The following MFNG variants were observed in gnomAD, a reference collection of about 807,000 sequenced individuals.
The protein encoded by MFNG is beta-1,3-N-acetylglucosaminyltransferase manic fringe.
MFNG carries 24 observed loss-of-function variants against 34.2 expected under a neutral mutation model. That is an observed-to-expected ratio of 0.70 (90% CI 0.51 to 0.99). MFNG has a LOEUF of 0.99. Among genes scored for constraint, MFNG ranks in the 50% least tolerant of loss-of-function variants. The pLI is 0.00. For synonymous variants in MFNG, 158 were observed against 179.2 expected (o/e 0.88, Z 0.94); for missense variants, 383 against 424.0 (o/e 0.90, Z 0.85).
In MFNG at chr22:37,477,082, A is replaced by G. The variant is rs1922076974; in HGVS notation, c.562-101T>C. On this transcript the variant is annotated intron_variant, in intron 4 of 7. Coordinates refer to ENST00000356998, the MANE Select transcript of MFNG (RefSeq NM_002405.4). ...TCACCCCCAACCAGCATGGCTCAAAAGCCCTTTATTTTGAATCTCACTAGA... is the reference window on the plus strand; with the variant it reads ...TCACCCCCAACCAGCATGGCTCAAAGGCCCTTTATTTTGAATCTCACTAGA... The G allele has an allele frequency of 4.2e-6, 4 of 956,906 alleles. No individual in the cohort carries two copies. The East Asian group carries it at 9.8e-5, about 24-fold the overall frequency. 59.3% of individuals were successfully genotyped at this position (956,906 alleles called of 1,614,324 possible).
intron 7 of MFNG, among the ~76,000 whole-genome samples, chr22:37,471,614 TGAGGTCAGGAGTTC>T (rs1383344390): frequency 6.6e-6 from 1 of 151,990 alleles, no homozygotes; most frequent in Non-Finnish European, 1.5e-5. Flanking sequence ...GCGGATCACT[TGAGGTCAGGAGTTC>T]GAAACCAGCC....
rs1047466849 is a variant in MFNG at position 37,474,572 on chromosome 22, G to T, written c.753C>A (p.Pro251=). 1 of 1,614,080 alleles carries T rather than the reference G, an allele frequency of 6.2e-7. No individual in the cohort carries two copies. Among genetic ancestry groups the T allele is most frequent in the African/African-American group, 1.3e-5 (1 of 74,942 alleles). Reference sequence around the variant, plus strand: ...GGGTCTCCAGGTGGGAGTGAAAGAGGGGGCTGGGCTGCAGGCGGCCGCCCA... The same window carrying T: ...GGGTCTCCAGGTGGGAGTGAAAGAGTGGGCTGGGCTGCAGGCGGCCGCCCA... ...CKLGGRLQPS[P]LFHSHLETLQ... The change falls in exon 6 of 8, where the codon CCC becomes CCA. Residue 251 remains proline (P), a synonymous_variant. Coordinates refer to ENST00000356998, the MANE Select transcript of MFNG (RefSeq NM_002405.4).
intron 3 of MFNG, 63 bp from the exon 4 acceptor site, chr22:37,479,561 A>AC (rs1345808976): frequency 2.5e-6 from 4 of 1,592,964 alleles, no homozygotes; most frequent in South Asian, 1.1e-5. Context: ...GTCCCCAAGC[A>AC]CCCCCACAGT....
chr22:37,486,086 G>T lies in MFNG; in HGVS notation c.92C>A (p.Ser31Tyr), dbSNP rs1922540374. The part of the protein sequence containing the change: ...LLCLRYHLNL[S>Y]PQRVQGTPEL... ...GGGGGTCCCTTGTACCCGCTGCGGG[G>T]ACAGGTTCAAGTGGTACCGCAGACA... Residue 31 changes from serine (S) to tyrosine (Y), a missense_variant, in exon 1 of 8, where the codon TCC (serine) becomes TAC (tyrosine). Transcript: ENST00000356998. The T allele has an allele frequency of 6.2e-7, 1 of 1,613,634 alleles. No homozygotes were observed. The highest frequency in any genetic ancestry group is 8.5e-7 in the Non-Finnish European group (1 of 1,179,852).
In MFNG at chr22:37,485,783, G is replaced by A. The variant is rs1260968766; in HGVS notation, c.255+140C>T. On this transcript the variant is annotated intron_variant, in intron 1 of 7. Coordinates refer to ENST00000356998, the MANE Select transcript of MFNG (RefSeq NM_002405.4). The surrounding 1 kb of genome is among the most constrained non-coding windows in gnomAD (Gnocchi z 5.3). ...GCCCCTAAAGCCCGGAAGAAGGAGA[G>A]AGGAAGAGGATCCCTGATTAGGCAG... 7 of 1,088,770 alleles carry A rather than the reference G, an allele frequency of 6.4e-6. No homozygotes were observed. Among genetic ancestry groups the A allele is most frequent in the African/African-American group, 1.6e-5 (1 of 62,892 alleles). 67.4% of individuals were successfully genotyped at this position (1,088,770 alleles called of 1,614,324 possible).
At chr22:37,473,724 G>C (rs1006939770) in intron 6 of MFNG, among the ~76,000 whole-genome samples, 1 of 152,238 alleles carries the variant, frequency 6.6e-6, no homozygotes, top group South Asian at 2.1e-4. Context: ...GATAGTGGGG[G>C]GAAAGCTGGG....
chr22:37,475,953 G>A (rs1359454405), intron 5 of MFNG, among the ~76,000 whole-genome samples: 2 of 152,206 alleles, frequency 1.3e-5, no homozygotes, highest in Non-Finnish European at 2.9e-5. Context: ...GGCAAGGCAG[G>A]GCAGGCTTGG....
In MFNG at chr22:37,483,923, G is replaced by A. The variant is rs559142474; in HGVS notation, c.255+2000C>T. Among the ~76,000 whole-genome samples, 3 of 152,328 alleles carry A rather than the reference G, an allele frequency of 2.0e-5. No homozygotes were observed. In the East Asian group the frequency reaches 5.8e-4, roughly 29 times the overall value. On this transcript the variant is annotated intron_variant, in intron 1 of 7. Transcript: ENST00000356998. This position sits in a 1 kb window ranked among gnomAD's most constrained non-coding sequence, Gnocchi z 4.5. The stretch of plus-strand genomic sequence containing the variant: ...GGGAATCCTAAGGTTGGCACAGAGC[G>A]ATGGGCAGAGTTTCTTTGGAGCCAA...
At position 37,482,991 on chromosome 22, in the gene MFNG, A is replaced by G. The variant is rs995993082; in HGVS notation, c.256-2222T>C. Among the ~76,000 whole-genome samples, 1 of 152,124 alleles carries G rather than the reference A, an allele frequency of 6.6e-6. No individual in the cohort carries two copies. The highest frequency in any genetic ancestry group is 2.4e-5 in the African/African-American group (1 of 41,448). On this transcript the variant is annotated intron_variant, in intron 1 of 7. Transcript: ENST00000356998. This position sits in a 1 kb window ranked among gnomAD's most constrained non-coding sequence, Gnocchi z 4.1. ...CCATCAGGGAGCTGGAGACTCGTGGACACCACCAGCCCTAGCCTCTCCCTG... is the reference window on the plus strand; with the variant it reads ...CCATCAGGGAGCTGGAGACTCGTGGGCACCACCAGCCCTAGCCTCTCCCTG...
intron 7 of MFNG, among the ~76,000 whole-genome samples, chr22:37,471,305 A>G (rs985404375): frequency 2.6e-5 from 4 of 152,226 alleles, no homozygotes; most frequent in African/African-American, 9.6e-5. Context: ...GCAGAAATGC[A>G]AATAGAAGGG....
In MFNG at chr22:37,476,976, C is replaced by T; in HGVS notation, c.567G>A (p.Leu189=). ...CCCCAGTGGCAAACCAGAACTGTAC[C>T]AGCCTCTGAGAGAGAGGAAGGCCAA... ...SEPQPHNRTR[L]VQFWFATGGA... The change falls in exon 5 of 8, where the codon CTG becomes CTA. Residue 189 remains leucine (L), a synonymous_variant. Transcript: ENST00000356998. 1 of 1,614,104 alleles carries T rather than the reference C, an allele frequency of 6.2e-7. No individual in the cohort carries two copies. Among genetic ancestry groups the T allele is most frequent in the Non-Finnish European group, 8.5e-7 (1 of 1,179,990 alleles).
chr22:37,479,625 A>T, intron 3 of MFNG, 127 bp from the exon 4 acceptor site: 2 of 1,226,718 alleles, frequency 1.6e-6, no homozygotes, highest in Non-Finnish European at 2.3e-6. Flanking sequence ...CATTTAAGGC[A>T]TCTGTTTTGT....
intron 5 of MFNG, among the ~76,000 whole-genome samples, 191 bp from the exon 6 acceptor site, chr22:37,474,868 G>T (rs996780605): frequency 6.6e-6 from 1 of 152,210 alleles, no homozygotes; most frequent in African/African-American, 2.4e-5. Flanking sequence ...TGTGAAATGG[G>T]GATGCTAATG....
rs1016754766 is a variant in MFNG, at chr22:37,485,306, G to A, written c.255+617C>T. 2.6e-5 allele frequency among the ~76,000 whole-genome samples: 4 copies of A among 152,184 alleles called. No individual in the cohort carries two copies. The highest frequency in any genetic ancestry group is 4.4e-5 in the Non-Finnish European group (3 of 68,028). ...TCCTTCCCTCCCTCGGAAGCAGTCC[G>A]CAGGAAGCCAACACAGGAGGCCAGA... On this transcript the variant is annotated intron_variant, in intron 1 of 7. Transcript: ENST00000356998. This position sits in a 1 kb window ranked among gnomAD's most constrained non-coding sequence, Gnocchi z 5.3.
At chr22:37,472,262 C>T (rs555201944) in intron 7 of MFNG, among the ~76,000 whole-genome samples, 181 bp downstream of exon 7, 1 of 152,222 alleles carries the variant, frequency 6.6e-6, no homozygotes, top group South Asian at 2.1e-4. Context: ...AGACACTTGC[C>T]CAAGGTCACA....
At chr22:37,479,143 A>T (rs1922169578) in intron 4 of MFNG, among the ~76,000 whole-genome samples, 1 of 152,200 alleles carries the variant, frequency 6.6e-6, no homozygotes, top group Non-Finnish European at 1.5e-5. Context: ...TGTCTGTGCC[A>T]CGACTGCATG....
At chr22:37,480,436 G>A in intron 2 of MFNG, 137 bp from the exon 3 acceptor site, 1 of 718,102 alleles carries the variant, frequency 1.4e-6, no homozygotes, top group Non-Finnish European at 2.3e-6. Flanking sequence ...TGGTAGGACT[G>A]AGACCCGGGG....
Position 37,485,847 on chromosome 22 carries a change from C to T in MFNG, c.255+76G>A. The stretch of plus-strand genomic sequence containing the variant: ...TCTCCCATGAGGCAGTCAGGGACCC[C>T]AGCCCAGTAGAAAGGCCTCTGAGAA... On this transcript the variant is annotated intron_variant, in intron 1 of 7. Coordinates refer to ENST00000356998, the MANE Select transcript of MFNG (RefSeq NM_002405.4). The surrounding 1 kb of genome is among the most constrained non-coding windows in gnomAD (Gnocchi z 5.3). 2 of 1,513,058 alleles carry T rather than the reference C, an allele frequency of 1.3e-6. No homozygotes were observed. Among genetic ancestry groups the T allele is most frequent in the Non-Finnish European group, 1.8e-6 (2 of 1,124,034 alleles). The allele number at this position is 1,513,058 out of a possible 1,614,324, so 93.7% of individuals were successfully genotyped here.
At position 37,485,392 on chromosome 22, in the gene MFNG, C is replaced by T. The variant is rs540496883; in HGVS notation, c.255+531G>A. Among the ~76,000 whole-genome samples, 6 of 152,344 alleles carry T rather than the reference C, an allele frequency of 3.9e-5. No homozygotes were observed. In the East Asian group the frequency reaches 1.2e-3, roughly 29 times the overall value. On this transcript the variant is annotated intron_variant, in intron 1 of 7. Transcript: ENST00000356998. The surrounding 1 kb of genome is among the most constrained non-coding windows in gnomAD (Gnocchi z 5.3). ...ACAGCGGCAGGGGCTATCGGGAAGG[C>T]CGAAGGGATGCCTCCCCCAAGAACA...
Sources: gnomAD v4.1 joint callset for allele counts (sites outside exome capture counted in the v4.1 genomes callset) on GRCh38, gnomAD v4.1.1 for gene constraint, Gnocchi (gnomAD v3.1) non-coding constraint, MANE v1.5 for transcripts, NCBI Gene and HGNC (gene_info 2026-07-23, HGNC 2026-07-21) for gene names.